Variants in TMEM30A observed in about 807,000 individuals in gnomAD.
TMEM30A encodes the protein cell cycle control protein 50A.
A neutral mutation model predicts 38.2 loss-of-function variants in TMEM30A; 24 were observed. That is an observed-to-expected ratio of 0.63 (90% CI 0.46 to 0.88). TMEM30A has a LOEUF of 0.88. Among genes scored for constraint, TMEM30A ranks in the 40% least tolerant of loss-of-function variants. The pLI is 0.00. For missense variants in TMEM30A, 370 were observed against 458.6 expected (o/e 0.81, Z 1.77); for synonymous variants, 145 against 161.6 (o/e 0.90, Z 0.78).
At chr6:75,267,887 T>C (rs555100610) in intron 1 of TMEM30A, 139 bp from the exon 2 acceptor site, 47 of 470,404 alleles carry the variant, frequency 1.0e-4, no homozygotes, top group African/African-American at 9.2e-4. Flanking sequence ...TTTAAGGTCA[T>C]CTGTTTGACA....
chr6:75,264,055 T>C lies in TMEM30A; in HGVS notation c.453+1176A>G, dbSNP rs75468894. Among the ~76,000 whole-genome samples, 1,071 of 152,270 alleles carry C rather than the reference T, an allele frequency of 7.0e-3. 34 individuals carry two copies. In the East Asian group the frequency reaches 0.11, roughly 15 times the overall value. On this transcript the variant is annotated intron_variant, in intron 3 of 6. Coordinates refer to ENST00000230461, the MANE Select transcript of TMEM30A (RefSeq NM_018247.4). ...GATTTGAGTGCTAAAAATTGGATCC[T>C]ATGGAATAAACCCCACATAGATTCA... is the stretch of plus-strand genomic sequence containing the variant.
intron 6 of TMEM30A, chr6:75,256,870 C>G (rs1771876478): frequency 2.4e-6 from 1 of 422,966 alleles, no homozygotes; most frequent in Non-Finnish European, 4.7e-6. Context: ...GAAGGGTGGG[C>G]TGTTAAGGAG....
rs1771806160 is a variant in TMEM30A, at chr6:75,253,010, A to T, written c.*3092T>A. 3 of 152,058 alleles carry T rather than the reference A, an allele frequency of 2.0e-5. No homozygotes were observed. Among genetic ancestry groups the T allele is most frequent in the Admixed American group, 6.6e-5 (1 of 15,242 alleles). 9.4% of individuals were successfully genotyped at this position (152,058 alleles called of 1,614,324 possible). ...TTATGTTTACTGAATGGTGCATGGGATAAAAAGGGGTTCTAAAACACTTTA... is the reference window on the plus strand; with the variant it reads ...TTATGTTTACTGAATGGTGCATGGGTTAAAAAGGGGTTCTAAAACACTTTA... On this transcript the variant is annotated 3_prime_UTR_variant, in exon 7 of 7. Transcript: ENST00000230461.
At chr6:75,272,887 A>G (rs1389474989) in intron 1 of TMEM30A, 1 of 152,246 alleles carries the variant, frequency 6.6e-6, no homozygotes, top group Admixed American at 6.5e-5. Flanking sequence ...CCATAAACCC[A>G]TGGTAGCCAG....
At chr6:75,278,725 A>G (rs915027210) in intron 1 of TMEM30A, among the ~76,000 whole-genome samples, 2 of 152,324 alleles carry the variant, frequency 1.3e-5, no homozygotes, top group South Asian at 2.1e-4. Flanking sequence ...ATAGTGTAGC[A>G]ATCATGTCAC....
chr6:75,265,315 T>C lies in TMEM30A; in HGVS notation c.369A>G (p.Gly123=). The change falls in exon 3 of 7, where the codon GGA becomes GGG. Residue 123 remains glycine (G), a synonymous_variant. Coordinates refer to ENST00000230461, the MANE Select transcript of TMEM30A (RefSeq NM_018247.4). The stretch of plus-strand genomic sequence containing the variant: ...GATGGTTTTGATAGAAATTAGACAG[T>C]CCATAATACATAAACACGTTGCCCT... ...SFEGNVFMYY[G]LSNFYQNHRR... 3 of 1,606,646 alleles carry C rather than the reference T, an allele frequency of 1.9e-6. No homozygotes were observed. The highest frequency in any genetic ancestry group is 2.5e-6 in the Non-Finnish European group (3 of 1,176,872).
At chr6:75,263,305 T>C (rs1772005020) in intron 3 of TMEM30A, among the ~76,000 whole-genome samples, 1 of 152,214 alleles carries the variant, frequency 6.6e-6, no homozygotes, top group Admixed American at 6.5e-5. Context: ...GGATTACGCA[T>C]AGCTCAGATC....
chr6:75,277,870 G>A (rs761704217), intron 1 of TMEM30A, among the ~76,000 whole-genome samples: 1 of 152,128 alleles, frequency 6.6e-6, no homozygotes, highest in Non-Finnish European at 1.5e-5. Context: ...CTGTACCACT[G>A]CAATGAAGCC....
rs1258467415 is a variant in TMEM30A, at chr6:75,284,710, A to G, written c.-72T>C. 6.5e-7 allele frequency: 1 copy of G among 1,527,540 alleles called. No individual in the cohort carries two copies. Among genetic ancestry groups the G allele is most frequent in the African/African-American group, 1.4e-5 (1 of 73,378 alleles). 94.6% of individuals were successfully genotyped at this position (1,527,540 alleles called of 1,614,324 possible). A position where few individuals can be genotyped will look rare whatever the true frequency, so the allele number is the denominator to read the frequency against. On this transcript the variant is annotated 5_prime_UTR_variant, in exon 1 of 7. Transcript: ENST00000230461. ...GGGCCCGCCGGCTGACCCTGACAGG[A>G]ACCGCTCGAGCGCCGCTGCCGCCGC...
rs1771819957 is a variant in TMEM30A at position 75,253,621 on chromosome 6, G to T, written c.*2481C>A. 1 of 152,448 alleles carries T rather than the reference G, an allele frequency of 6.6e-6. No individual in the cohort carries two copies. The highest frequency in any genetic ancestry group is 2.4e-5 in the African/African-American group (1 of 41,400). The allele number at this position is 152,448 out of a possible 1,614,324, so 9.4% of individuals were successfully genotyped here. On this transcript the variant is annotated 3_prime_UTR_variant, in exon 7 of 7. Transcript: ENST00000230461. ...ACCTGAACATAGCAAAATTAATTTT[G>T]TTCATTTTTATTAACATAGGACATA...
Position 75,254,662 on chromosome 6 carries a change from T to A in TMEM30A, c.*1440A>T, listed in dbSNP as rs551326201. The stretch of plus-strand genomic sequence containing the variant: ...TACCCAGACCTTTTGATTTAAAATA[T>A]AACTGAAGGAAAATATAAACTCTGA... On this transcript the variant is annotated 3_prime_UTR_variant, in exon 7 of 7. Coordinates refer to ENST00000230461, the MANE Select transcript of TMEM30A (RefSeq NM_018247.4). 19 of 152,284 alleles carry A rather than the reference T, an allele frequency of 1.2e-4. No individual in the cohort carries two copies. Among genetic ancestry groups the A allele is most frequent in the African/African-American group, 4.1e-4 (17 of 41,562 alleles). The allele number at this position is 152,284 out of a possible 1,614,324, so 9.4% of individuals were successfully genotyped here.
chr6:75,254,326 T>G lies in TMEM30A; in HGVS notation c.*1776A>C, dbSNP rs1771833587. 2 of 151,962 alleles carry G rather than the reference T, an allele frequency of 1.3e-5. No homozygotes were observed. Among genetic ancestry groups the G allele is most frequent in the Admixed American group, 6.6e-5 (1 of 15,226 alleles). 9.4% of individuals were successfully genotyped at this position (151,962 alleles called of 1,614,324 possible). A position where few individuals can be genotyped will look rare whatever the true frequency, so the allele number is the denominator to read the frequency against. ...CAGAAACCCCTCTCCCCCAACAATG[T>G]ATCCCCGAAAATAAACTGCCAAGTG... On this transcript the variant is annotated 3_prime_UTR_variant, in exon 7 of 7. Coordinates refer to ENST00000230461, the MANE Select transcript of TMEM30A (RefSeq NM_018247.4).
chr6:75,256,645 C>T (rs988494408), intron 6 of TMEM30A: 3 of 375,968 alleles, frequency 8.0e-6, no homozygotes, highest in Non-Finnish European at 1.0e-5. Context: ...GAAGCCCACA[C>T]AAGGAGACTG....
chr6:75,279,636 G>T (rs997290238), intron 1 of TMEM30A, among the ~76,000 whole-genome samples: 1 of 152,196 alleles, frequency 6.6e-6, no homozygotes, highest in Non-Finnish European at 1.5e-5. Flanking sequence ...AGATGTAGAT[G>T]AGCAGATAGG....
chr6:75,280,202 C>T (rs968559904), intron 1 of TMEM30A, among the ~76,000 whole-genome samples: 4 of 152,132 alleles, frequency 2.6e-5, no homozygotes, highest in African/African-American at 9.7e-5. Flanking sequence ...GGGATCATTA[C>T]ACCTATCTTG....
chr6:75,266,121 T>C (rs1293264817), intron 2 of TMEM30A, among the ~76,000 whole-genome samples: 1 of 152,238 alleles, frequency 6.6e-6, no homozygotes, highest in Non-Finnish European at 1.5e-5. Context: ...TCTTAAATGA[T>C]TAAAATTTTT....
At chr6:75,263,813 T>A in intron 3 of TMEM30A, among the ~76,000 whole-genome samples, 1 of 152,206 alleles carries the variant, frequency 6.6e-6, no homozygotes, top group East Asian at 1.9e-4. Flanking sequence ...GTTGATCTAT[T>A]CCTGGTGTGG....
intron 4 of TMEM30A, among the ~76,000 whole-genome samples, chr6:75,260,135 G>A (rs1771936917): frequency 6.6e-6 from 1 of 152,190 alleles, no homozygotes; most frequent in Admixed American, 6.5e-5. Context: ...GCCAGGCGCA[G>A]TGGCTCACGC....
At chr6:75,261,285 A>T (rs1771959801) in intron 3 of TMEM30A, among the ~76,000 whole-genome samples, 1 of 152,228 alleles carries the variant, frequency 6.6e-6, no homozygotes, top group African/African-American at 2.4e-5. Flanking sequence ...CTTAAACTGG[A>T]ACTAAAGAGG....
Sources: gnomAD v4.1 joint callset for allele counts (sites outside exome capture counted in the v4.1 genomes callset) on GRCh38, gnomAD v4.1.1 for gene constraint, MANE v1.5 for transcripts, NCBI Gene and HGNC (gene_info 2026-07-23, HGNC 2026-07-21) for gene names.